KIAA1217: variants seen among roughly 807,000 people sequenced by gnomAD.
The protein encoded by KIAA1217 is sickle tail protein homolog.
KIAA1217 carries 88 observed loss-of-function variants against 163.9 expected under a neutral mutation model. That is an observed-to-expected ratio of 0.54 (90% CI 0.45 to 0.64). KIAA1217 has a LOEUF of 0.64. KIAA1217 is among the 30% of genes least tolerant of loss of function. KIAA1217 has a pLI of 0.00. For synonymous variants in KIAA1217, 903 were observed against 923.1 expected (o/e 0.98, Z 0.39); for missense variants, 2,372 against 2,475.0 (o/e 0.96, Z 0.88).
chr10:24,317,572 A>G (rs995191569), intron 2 of KIAA1217, among the ~76,000 whole-genome samples: 3 of 152,190 alleles, frequency 2.0e-5, no homozygotes, highest in African/African-American at 7.2e-5. Context: ...TGGAAGATCT[A>G]AGAAATGTAG....
chr10:24,180,547 A>C (rs2131948105), intron 2 of KIAA1217, among the ~76,000 whole-genome samples: 1 of 152,164 alleles, frequency 6.6e-6, no homozygotes, highest in Non-Finnish European at 1.5e-5. Context: ...TCATATACTC[A>C]TACTCATCTC....
intron 1 of KIAA1217, among the ~76,000 whole-genome samples, chr10:23,801,631 A>C (rs1355154673): frequency 6.6e-6 from 1 of 152,176 alleles, no homozygotes; most frequent in Non-Finnish European, 1.5e-5. Context: ...TGACAAATAT[A>C]AACTGAGAAC....
intron 1 of KIAA1217, among the ~76,000 whole-genome samples, chr10:23,733,163 G>A (rs535860583): frequency 3.3e-5 from 5 of 151,902 alleles, no homozygotes; most frequent in African/African-American, 7.2e-5. Context: ...ACAGATGCCC[G>A]CCACCACACC....
intron 2 of KIAA1217, among the ~76,000 whole-genome samples, chr10:24,100,840 T>C (rs1050732573): frequency 3.3e-5 from 5 of 152,228 alleles, no homozygotes; most frequent in Non-Finnish European, 7.3e-5. Context: ...TTAGATATTG[T>C]TTGTTTGTTT....
Position 24,501,561 on chromosome 10 carries a change from G to C in KIAA1217, c.2001+16G>C. The C allele has an allele frequency of 6.2e-7, 1 of 1,607,228 alleles. No homozygotes were observed. The highest frequency in any genetic ancestry group is 8.5e-7 in the Non-Finnish European group (1 of 1,177,088). ...GCAGCTCCAGGTATTCCTCATGCACGGCGGCCTCTGTCTCGGTTGCCCTGA... is the reference window on the plus strand; with the variant it reads ...GCAGCTCCAGGTATTCCTCATGCACCGCGGCCTCTGTCTCGGTTGCCCTGA... On this transcript the variant is annotated intron_variant, in intron 9 of 20. Transcript: ENST00000376454.
chr10:24,079,296 C>G lies in KIAA1217; in HGVS notation c.-171+71922C>G, dbSNP rs1057138316. Among the ~76,000 whole-genome samples, 39 of 152,186 alleles carry G rather than the reference C, an allele frequency of 2.6e-4. 1 individual carries two copies. Among genetic ancestry groups the G allele is most frequent in the Non-Finnish European group, 1.0e-4 (7 of 68,034 alleles). On this transcript the variant is annotated intron_variant, in intron 2 of 18. Coordinates refer to the KIAA1217 transcript ENST00000376462. ...GAGGTTTACAGTAGAGGCTCAGCAT[C>G]AGGGAAATGGGAGAACAGTGATCAC...
intron 6 of KIAA1217, among the ~76,000 whole-genome samples, chr10:24,493,382 C>T (rs927968943): frequency 1.3e-5 from 2 of 152,176 alleles, no homozygotes; most frequent in Non-Finnish European, 2.9e-5. Flanking sequence ...CATTGTTCTC[C>T]TCTCTCTCCT....
chr10:24,004,379 G>T (rs967352767), intron 1 of KIAA1217, among the ~76,000 whole-genome samples: 1 of 152,080 alleles, frequency 6.6e-6, no homozygotes, highest in East Asian at 1.9e-4. Flanking sequence ...GATCACAAAT[G>T]TTCTTATTCA....
Position 23,994,403 on chromosome 10 carries a change from A to G in KIAA1217, c.-320-12822A>G, listed in dbSNP as rs541570914. Reference sequence around the variant, plus strand: ...TCTCAGGACAGTCCCACAGCCCAACACCACCTTATCCATGGGACTATCGTG... The same window carrying G: ...TCTCAGGACAGTCCCACAGCCCAACGCCACCTTATCCATGGGACTATCGTG... On this transcript the variant is annotated intron_variant, in intron 1 of 18. Transcript: ENST00000376462. Among the ~76,000 whole-genome samples the G allele has an allele frequency of 1.7e-4, 26 of 152,288 alleles. No individual in the cohort carries two copies. In the South Asian group the frequency reaches 2.1e-3, roughly 12 times the overall value.
intron 2 of KIAA1217, among the ~76,000 whole-genome samples, chr10:24,093,468 G>C (rs1307686921): frequency 1.3e-5 from 2 of 151,324 alleles, no homozygotes; most frequent in African/African-American, 2.4e-5. Flanking sequence ...CACCACTCTC[G>C]GCTCTATTCT....
intron 2 of KIAA1217, among the ~76,000 whole-genome samples, chr10:24,120,376 A>C (rs2063235317): frequency 6.6e-6 from 1 of 152,154 alleles, no homozygotes; most frequent in Admixed American, 6.5e-5. Context: ...AACAGTGAAA[A>C]ATGAAATAAA....
intron 2 of KIAA1217, among the ~76,000 whole-genome samples, chr10:24,304,193 A>C (rs1205429881): frequency 7.1e-6 from 1 of 141,170 alleles, no homozygotes; most frequent in African/African-American, 2.8e-5. Context: ...TTCGAATTCC[A>C]TATTAGGTTA....
At chr10:23,839,585 C>G (rs1277124474) in intron 1 of KIAA1217, among the ~76,000 whole-genome samples, 1 of 152,168 alleles carries the variant, frequency 6.6e-6, no homozygotes, top group African/African-American at 2.4e-5. Context: ...CATTTATATA[C>G]AGCATGGCTG....
chr10:23,965,442 T>G (rs1219409087), intron 1 of KIAA1217, among the ~76,000 whole-genome samples: 1 of 152,248 alleles, frequency 6.6e-6, no homozygotes, highest in African/African-American at 2.4e-5. Flanking sequence ...TAGAGAGGCT[T>G]GTACTTTGGA....
intron 1 of KIAA1217, among the ~76,000 whole-genome samples, chr10:23,800,412 T>C (rs925828616): frequency 6.6e-6 from 1 of 151,896 alleles, no homozygotes; most frequent in African/African-American, 2.4e-5. Context: ...ACCTGTGCTT[T>C]CGCTGGAGCT....
intron 1 of KIAA1217, among the ~76,000 whole-genome samples, chr10:23,878,340 C>G (rs1324458377): frequency 2.6e-5 from 4 of 151,866 alleles, no homozygotes; most frequent in African/African-American, 4.8e-5. Context: ...GCTGTTCTGT[C>G]TTGCTTAAAA....
chr10:24,331,412 T>G (rs935765002), intron 2 of KIAA1217, among the ~76,000 whole-genome samples: 1 of 152,244 alleles, frequency 6.6e-6, no homozygotes, highest in African/African-American at 2.4e-5. Context: ...AAGTTGAATG[T>G]ATGAAAGCAG....
At chr10:24,484,239 A>T (rs1330904956) in intron 6 of KIAA1217, among the ~76,000 whole-genome samples, 110 of 86,182 alleles carry the variant, frequency 1.3e-3, no homozygotes, top group Non-Finnish European at 2.2e-3. Context: ...ATATATATAT[A>T]TATTTTTTTT....
chr10:24,456,188 G>A (rs899786176), intron 5 of KIAA1217, among the ~76,000 whole-genome samples: 1 of 152,226 alleles, frequency 6.6e-6, no homozygotes, highest in Non-Finnish European at 1.5e-5. Context: ...GTCCAGCCTG[G>A]ACCATTTTCT....
Sources: allele counts gnomAD v4.1 joint callset (sites outside exome capture counted in the v4.1 genomes callset), GRCh38; gene constraint gnomAD v4.1.1; transcripts MANE v1.5; gene names NCBI Gene and HGNC (gene_info 2026-07-23, HGNC 2026-07-21).